The following PSD3 variants were observed in gnomAD, a reference collection of about 807,000 sequenced individuals.
PSD3 encodes the protein PH and SEC7 domain-containing protein 3.
PSD3 carries 49 observed loss-of-function variants against 105.5 expected under a neutral mutation model. That is an observed-to-expected ratio of 0.46 (90% CI 0.37 to 0.59). PSD3 has a LOEUF of 0.59. PSD3 is among the 20% of genes least tolerant of loss of function. The pLI is 0.00. For missense variants in PSD3, 1,561 were observed against 1,263.8 expected (o/e 1.24, Z -3.57); for synonymous variants, 557 against 457.8 (o/e 1.22, Z -2.77).
At chr8:19,067,052 T>C (rs1038601148) in intron 1 of PSD3, among the ~76,000 whole-genome samples, 7 of 152,238 alleles carry the variant, frequency 4.6e-5, no homozygotes, top group African/African-American at 1.4e-4. Flanking sequence ...TAACAATGAA[T>C]ATTTATTAAA....
chr8:18,791,664 C>T (rs1022694697), intron 8 of PSD3, among the ~76,000 whole-genome samples: 2 of 152,094 alleles, frequency 1.3e-5, no homozygotes, highest in Admixed American at 1.3e-4. Flanking sequence ...TGCACACAGA[C>T]ATGGGCAAAA....
At chr8:18,994,329 T>C in intron 1 of PSD3, among the ~76,000 whole-genome samples, 1 of 152,126 alleles carries the variant, frequency 6.6e-6, no homozygotes, top group East Asian at 1.9e-4. Flanking sequence ...GAAACATCCA[T>C]TTGTTTTTAC....
chr8:18,789,259 T>C (rs1307008219), intron 8 of PSD3, among the ~76,000 whole-genome samples: 4 of 152,158 alleles, frequency 2.6e-5, no homozygotes, highest in Non-Finnish European at 5.9e-5. Flanking sequence ...CTCTCAAATA[T>C]ACAGTAGAGT....
intron 2 of PSD3, among the ~76,000 whole-genome samples, chr8:18,910,637 T>TAAAAAAAAAAAAAAAAA: frequency 1.0e-5 from 1 of 97,114 alleles, no homozygotes; most frequent in Non-Finnish European, 2.1e-5. Flanking sequence ...TAGAGTATAA[T>TAAAAAAAAAAAAAAAAA]AAAAAAAAAA....
chr8:18,551,897 G>A (rs1054928671), intron 15 of PSD3, among the ~76,000 whole-genome samples: 1 of 152,104 alleles, frequency 6.6e-6, no homozygotes, highest in Non-Finnish European at 1.5e-5. Flanking sequence ...ACTGGCTGCA[G>A]CCTCTAGTAC....
intron 15 of PSD3, among the ~76,000 whole-genome samples, chr8:18,547,346 C>T (rs1394732328): frequency 6.6e-6 from 1 of 152,220 alleles, no homozygotes; most frequent in Non-Finnish European, 1.5e-5. Flanking sequence ...GCTCCCCAAA[C>T]TAGGCTCAGG....
At chr8:19,007,812 T>C (rs1485233268) in intron 1 of PSD3, among the ~76,000 whole-genome samples, 1 of 152,190 alleles carries the variant, frequency 6.6e-6, no homozygotes, top group Non-Finnish European at 1.5e-5. Flanking sequence ...AAGCAATGGT[T>C]AATTTTTCTT....
rs561548489 is a variant in PSD3, at chr8:18,895,712, G to T, written c.131-22979C>A. 3.5e-4 allele frequency among the ~76,000 whole-genome samples: 54 copies of T among 152,240 alleles called. No homozygotes were observed. In the South Asian group the frequency reaches 0.011, roughly 32 times the overall value. ...ACTGCACATATTTATAAGATACAGT[G>T]TATTTCCACACACATATATGATGTG... On this transcript the variant is annotated intron_variant, in intron 2 of 15. Transcript: ENST00000327040.
At chr8:18,780,527 G>A (rs1298968763) in intron 8 of PSD3, among the ~76,000 whole-genome samples, 1 of 151,906 alleles carries the variant, frequency 6.6e-6, no homozygotes, top group Non-Finnish European at 1.5e-5. Context: ...GTTTTCTGTA[G>A]TAGTAACACT....
chr8:18,700,882 A>T (rs1801538146), intron 9 of PSD3, among the ~76,000 whole-genome samples: 1 of 152,090 alleles, frequency 6.6e-6, no homozygotes, highest in Admixed American at 6.5e-5. Flanking sequence ...ACATCTCCAG[A>T]CCTCAGTTTA....
At chr8:19,011,641 T>C (rs150238469) in intron 1 of PSD3, among the ~76,000 whole-genome samples, 32 of 152,318 alleles carry the variant, frequency 2.1e-4, no homozygotes, top group Non-Finnish European at 1.8e-4. Flanking sequence ...CAGAATTGAA[T>C]TGCTTAAGTG....
At chr8:18,683,968 T>A (rs749698748) in intron 9 of PSD3, 1 of 747,926 alleles carries the variant, frequency 1.3e-6, no homozygotes, top group African/African-American at 1.7e-5. Context: ...TTTAGAGAAA[T>A]AAAAAGGCAC....
chr8:18,626,745 C>G (rs1806510163), intron 11 of PSD3, among the ~76,000 whole-genome samples: 1 of 152,082 alleles, frequency 6.6e-6, no homozygotes, highest in Admixed American at 6.6e-5. Flanking sequence ...GAAGGAGCAG[C>G]AGCCAAATAG....
At chr8:18,975,130 G>A (rs1227453557) in intron 1 of PSD3, among the ~76,000 whole-genome samples, 1 of 152,118 alleles carries the variant, frequency 6.6e-6, no homozygotes, top group Non-Finnish European at 1.5e-5. Context: ...AAGGGACAAG[G>A]GTTGGAAGGG....
Position 18,871,814 on chromosome 8 carries a change from C to T in PSD3, c.1050G>A (p.Leu350=). 1.2e-6 allele frequency: 2 copies of T among 1,614,228 alleles called. No homozygotes were observed. The highest frequency in any genetic ancestry group is 2.2e-5 in the East Asian group (1 of 44,888). ...TCTCAGTTAAACTACTTGAATTACA[C>T]AAACCAGCTGATGAGATGAGATGGC... ...VPRHLISSAG[L]CNSSSLTENV... Residue 350 remains leucine, a synonymous_variant, in exon 3 of 16, where the codon TTG becomes TTA. Transcript: ENST00000327040.
intron 1 of PSD3, among the ~76,000 whole-genome samples, chr8:19,056,687 A>G (rs1341413171): frequency 6.6e-6 from 1 of 152,202 alleles, no homozygotes; most frequent in Non-Finnish European, 1.5e-5. Flanking sequence ...TCTAGGTTCC[A>G]CATTGGGAAG....
intron 1 of PSD3, among the ~76,000 whole-genome samples, chr8:18,970,148 A>G (rs913367654): frequency 6.6e-6 from 1 of 151,384 alleles, no homozygotes; most frequent in Non-Finnish European, 1.5e-5. Context: ...ACACGGTGAA[A>G]CCCCATCTCT....
At chr8:18,653,458 T>C (rs1459630523) in intron 10 of PSD3, among the ~76,000 whole-genome samples, 1 of 152,150 alleles carries the variant, frequency 6.6e-6, no homozygotes, top group Non-Finnish European at 1.5e-5. Context: ...TTTTCAAACA[T>C]TTCAGTGTCA....
At chr8:18,944,356 G>A (rs1822730944) in intron 1 of PSD3, among the ~76,000 whole-genome samples, 1 of 152,174 alleles carries the variant, frequency 6.6e-6, no homozygotes, top group Admixed American at 6.5e-5. Context: ...GATGACCGGA[G>A]GTCAGGAGTT....
Sources: allele counts gnomAD v4.1 joint callset (sites outside exome capture counted in the v4.1 genomes callset), GRCh38; gene constraint gnomAD v4.1.1; transcripts MANE v1.5; gene names NCBI Gene and HGNC (gene_info 2026-07-23, HGNC 2026-07-21).